CDH24: variants seen among roughly 807,000 people sequenced by gnomAD.
CDH24 encodes cadherin-24.
In CDH24, 61 loss-of-function variants were observed where a neutral mutation model predicts 71.2. The ratio of observed to expected loss-of-function variants is 0.86; its 90% CI spans 0.70 to 1.06. The LOEUF is 1.06. CDH24 is among the 50% of genes least tolerant of loss of function. CDH24 has a pLI of 0.00. For missense variants in CDH24, 961 were observed against 1,083.7 expected (o/e 0.89, Z 1.59); for synonymous variants, 440 against 470.2 (o/e 0.94, Z 0.83).
chr14:23,049,224 G>A lies in CDH24; in HGVS notation c.1649C>T (p.Ala550Val). ...CAGTTCTATGGGAACCAAGTAGGGG[G>A]CATGGCGGGGTGGAGCAGGGCGGGA... ...LPSRPAPPRHAPYLVPIELWD... is the reference protein window; with the variant it reads ...LPSRPAPPRHVPYLVPIELWD... The change falls in exon 11 of 13, where the codon GCC becomes GTC. Residue 550 changes from alanine (A) to valine (V), a missense_variant. Around this residue, in one of 2 missense-constraint regions of CDH24, gnomAD observed 671 missense variants for 810.9 expected, o/e 0.83. Coordinates refer to ENST00000487137, the MANE Select transcript of CDH24 (RefSeq NM_144985.4). The A allele has an allele frequency of 6.4e-7, 1 of 1,573,940 alleles. No homozygotes were observed. Among genetic ancestry groups the A allele is most frequent in the African/African-American group, 1.3e-5 (1 of 74,426 alleles).
rs1185576018 is a variant in CDH24, at chr14:23,057,127, T to G, written c.-125+276A>C. On this transcript the variant is annotated intron_variant, in intron 1 of 12. Coordinates refer to ENST00000487137, the MANE Select transcript of CDH24 (RefSeq NM_144985.4). The surrounding 1 kb of genome is among the most constrained non-coding windows in gnomAD (Gnocchi z 5.4). The stretch of plus-strand genomic sequence containing the variant: ...GAAAAAGGCAAAGAGGGAGAGGAGA[T>G]GGAAAAAGGACAAGAGGGAGAGGGA... Among the ~76,000 whole-genome samples the G allele has an allele frequency of 2.6e-3, 265 of 103,430 alleles. No homozygotes were observed. The highest frequency in any genetic ancestry group is 4.0e-3 in the African/African-American group (105 of 26,230). 67.9% of individuals were successfully genotyped at this position (103,430 alleles called of 152,430 possible).
chr14:23,049,367 C>A, intron 10 of CDH24, 92 bp from the exon 11 acceptor site: 1 of 1,270,912 alleles, frequency 7.9e-7, no homozygotes, highest in Non-Finnish European at 1.1e-6. Flanking sequence ...ATAGAGCCAG[C>A]CCCCCATAGA....
In CDH24 at chr14:23,047,960, G is replaced by A. The variant is rs977772372; in HGVS notation, c.*20C>T. On this transcript the variant is annotated 3_prime_UTR_variant, in exon 12 of 13. Coordinates refer to ENST00000487137, the MANE Select transcript of CDH24 (RefSeq NM_144985.4). ...TGCCCGCTGCCCCCCCCCCGCGGTG[G>A]GCCGGGCCAGCCCGGGCGCTCAGGG... 14 of 1,307,322 alleles carry A rather than the reference G, an allele frequency of 1.1e-5. No homozygotes were observed. The highest frequency in any genetic ancestry group is 1.3e-5 in the Non-Finnish European group (13 of 1,032,894). 81.0% of individuals were successfully genotyped at this position (1,307,322 alleles called of 1,614,324 possible). A position where few individuals can be genotyped will look rare whatever the true frequency, so the allele number is the denominator to read the frequency against.
chr14:23,053,347 G>A (rs898765261), intron 7 of CDH24, 149 bp downstream of exon 7: 12 of 969,854 alleles, frequency 1.2e-5, no homozygotes, highest in Non-Finnish European at 1.6e-5. Flanking sequence ...CTGGCACCCA[G>A]GCCTGCAGAC....
chr14:23,054,623 ACTC>A lies in CDH24; in HGVS notation c.664_666del (p.Glu222del), dbSNP rs758825870. The A allele has an allele frequency of 6.2e-6, 10 of 1,613,256 alleles. No homozygotes were observed. Among genetic ancestry groups the A allele is most frequent in the South Asian group, 4.4e-5 (4 of 91,036 alleles). ...TCCTTGGCCTGGATCACCACCAAGA[ACTC>A]CTCCTGTGTCTCCCGGTCCATGTTG... is the stretch of plus-strand genomic sequence containing the variant. On this transcript the variant is annotated inframe_deletion, in exon 5 of 13. Coordinates refer to ENST00000487137, the MANE Select transcript of CDH24 (RefSeq NM_144985.4). The surrounding 1 kb of genome is among the most constrained non-coding windows in gnomAD (Gnocchi z 5.2).
Position 23,048,480 on chromosome 14 carries a change from C to T in CDH24, c.1847-1G>A. On this transcript the variant is annotated splice_acceptor_variant, in intron 11 of 12. Coordinates refer to ENST00000487137, the MANE Select transcript of CDH24 (RefSeq NM_144985.4). LOFTEE classifies it high-confidence loss of function. ...AGGGCCACGAAGAGCACCACCAGGG[C>T]TGCGCGAGAGGCGCGCACACAGGCC... The T allele has an allele frequency of 6.2e-7, 1 of 1,605,076 alleles. No individual in the cohort carries two copies. The highest frequency in any genetic ancestry group is 8.5e-7 in the Non-Finnish European group (1 of 1,179,120).
rs1444390425 is a variant in CDH24, at chr14:23,055,389, A to C, written c.202-36T>G. ...CACGAAAAGATGGCAGAGGGCTCCA[A>C]GTACAGAGACAGGGTTAAAGAGTCT... On this transcript the variant is annotated intron_variant, in intron 2 of 12. Coordinates refer to ENST00000487137, the MANE Select transcript of CDH24 (RefSeq NM_144985.4). The surrounding 1 kb of genome is among the most constrained non-coding windows in gnomAD (Gnocchi z 4.1). 1 of 1,596,560 alleles carries C rather than the reference A, an allele frequency of 6.3e-7. No individual in the cohort carries two copies. Among genetic ancestry groups the C allele is most frequent in the Admixed American group, 1.7e-5 (1 of 59,504 alleles).
Position 23,048,409 on chromosome 14 carries a change from G to T in CDH24, c.1917C>A (p.Asp639Glu), listed in dbSNP as rs747306724. The change falls in exon 12 of 13, where the codon GAC becomes GAA. Residue 639 changes from aspartate (D) to glutamate (E), a missense_variant. Asp to Glu is a conservative substitution (Grantham distance 45). This residue lies in a region of CDH24 where 290 missense variants were observed against 272.8 expected (regional missense o/e 1.06). Coordinates refer to ENST00000487137, the MANE Select transcript of CDH24 (RefSeq NM_144985.4). ...CGTAGGTGATGATGTTCTCTCGGAC[G>T]TCCTCCTCCTCCAGTACCATCAGTG... ...QEALMVLEEE[D>E]VRENIITYDD... 6.8e-6 allele frequency: 11 copies of T among 1,612,372 alleles called. No homozygotes were observed. The highest frequency in any genetic ancestry group is 9.3e-6 in the Non-Finnish European group (11 of 1,179,606).
Position 23,055,477 on chromosome 14 carries a change from C to A in CDH24, c.201+56G>T. 1 of 1,598,184 alleles carries A rather than the reference C, an allele frequency of 6.3e-7. No individual in the cohort carries two copies. Among genetic ancestry groups the A allele is most frequent in the South Asian group, 1.1e-5 (1 of 89,274 alleles). On this transcript the variant is annotated intron_variant, in intron 2 of 12. Coordinates refer to ENST00000487137, the MANE Select transcript of CDH24 (RefSeq NM_144985.4). The surrounding 1 kb of genome is among the most constrained non-coding windows in gnomAD (Gnocchi z 4.1). ...GGTCATTGCAGAAGTGATGAAGTTGCAGGGCAGGGCCTGAGGGCTTGGTGT... is the reference window on the plus strand; with the variant it reads ...GGTCATTGCAGAAGTGATGAAGTTGAAGGGCAGGGCCTGAGGGCTTGGTGT...
rs1566725451 is a variant in CDH24, at chr14:23,057,057, GAAAGAGA to G, written c.-125+339_-125+345del. ...AGGAGAGGGAGGGAAAGGAGAGCAAGAAAGAGAAAAGAGAAAGGCAGGAAAGGGGAGA... is the reference window on the plus strand; with the variant it reads ...AGGAGAGGGAGGGAAAGGAGAGCAAGAAAGAGAAAGGCAGGAAAGGGGAGA... On this transcript the variant is annotated intron_variant, in intron 1 of 12. Transcript: ENST00000487137. The surrounding 1 kb of genome is among the most constrained non-coding windows in gnomAD (Gnocchi z 5.4). Among the ~76,000 whole-genome samples, 2 of 151,548 alleles carry G rather than the reference GAAAGAGA, an allele frequency of 1.3e-5. No homozygotes were observed. Among genetic ancestry groups the G allele is most frequent in the Non-Finnish European group, 2.9e-5 (2 of 67,888 alleles).
chr14:23,055,020 G>C lies in CDH24; in HGVS notation c.496+39C>G, dbSNP rs772117724. On this transcript the variant is annotated intron_variant, in intron 3 of 12. Coordinates refer to ENST00000487137, the MANE Select transcript of CDH24 (RefSeq NM_144985.4). The surrounding 1 kb of genome is among the most constrained non-coding windows in gnomAD (Gnocchi z 4.1). ...GGGAAGGAGAGGTGAGAGAGCTCCAGAAGACGGGAACTGGGGCATTCAGAG... is the reference window on the plus strand; with the variant it reads ...GGGAAGGAGAGGTGAGAGAGCTCCACAAGACGGGAACTGGGGCATTCAGAG... The C allele has an allele frequency of 1.1e-5, 17 of 1,596,454 alleles. No homozygotes were observed. Among genetic ancestry groups the C allele is most frequent in the East Asian group, 2.2e-5 (1 of 44,568 alleles).
chr14:23,055,705 G>A lies in CDH24; in HGVS notation c.29C>T (p.Ala10Val). Residue 10 changes from alanine to valine, a missense_variant, in exon 2 of 13, where the codon GCC (alanine) becomes GTC (valine). Coordinates refer to ENST00000487137, the MANE Select transcript of CDH24 (RefSeq NM_144985.4). This position sits in a 1 kb window ranked among gnomAD's most constrained non-coding sequence, Gnocchi z 4.1. ...CATGCAGCCCCAGCCACCCAGCCAG[G>A]CCAGCAGGAGCCTCACCAGGCCCCA... Reference protein sequence around the residue: MWGLVRLLLAWLGGWGCMGR... With the variant: MWGLVRLLLVWLGGWGCMGR... 6.3e-7 allele frequency: 1 copy of A among 1,594,250 alleles called. No individual in the cohort carries two copies. Among genetic ancestry groups the A allele is most frequent in the Non-Finnish European group, 8.5e-7 (1 of 1,174,286 alleles).
At position 23,055,334 on chromosome 14, in the gene CDH24, C is replaced by T. The variant is rs147257571; in HGVS notation, c.221G>A (p.Arg74Gln). Residue 74 changes from arginine (R) to glutamine (Q), a missense_variant, in exon 3 of 13, where the codon CGG becomes CAG. This residue lies in a region of CDH24 where 671 missense variants were observed against 810.9 expected (regional missense o/e 0.83). Transcript: ENST00000487137. The surrounding 1 kb of genome is among the most constrained non-coding windows in gnomAD (Gnocchi z 4.1). ...CAGGTACTTGGTGCGGCCCTCTCCC[C>T]GGTCAACATCCGAGTGCAGCTGCAG... The part of the protein sequence containing the change: ...LIGKLHSDVD[R>Q]GEGRTKYLLT... The T allele has an allele frequency of 8.8e-5, 141 of 1,607,206 alleles. 1 individual carries two copies. Among genetic ancestry groups the T allele is most frequent in the South Asian group, 4.7e-4 (43 of 91,000 alleles).
In CDH24 at chr14:23,055,154, G is replaced by A; in HGVS notation, c.401C>T (p.Ser134Leu). 6.2e-7 allele frequency: 1 copy of A among 1,614,192 alleles called. No individual in the cohort carries two copies. The change falls in exon 3 of 13, where the codon TCA (serine) becomes TTA (leucine). Residue 134 changes from serine (S) to leucine (L), a missense_variant. Transcript: ENST00000487137. This position sits in a 1 kb window ranked among gnomAD's most constrained non-coding sequence, Gnocchi z 4.1. ...RASNRPLEPP[S>L]EFIIKVQDIN... Reference sequence around the variant, plus strand: ...GTCTTGCACTTTGATGATGAACTCTGATGGGGGCTCCAGGGGCCGGTTGGA... The same window carrying A: ...GTCTTGCACTTTGATGATGAACTCTAATGGGGGCTCCAGGGGCCGGTTGGA...
In CDH24 at chr14:23,054,490, A is replaced by C; in HGVS notation, c.784+16T>G. 1 of 1,607,702 alleles carries C rather than the reference A, an allele frequency of 6.2e-7. No homozygotes were observed. Among genetic ancestry groups the C allele is most frequent in the Non-Finnish European group, 8.5e-7 (1 of 1,176,006 alleles). On this transcript the variant is annotated intron_variant, in intron 5 of 12. Transcript: ENST00000487137. The surrounding 1 kb of genome is among the most constrained non-coding windows in gnomAD (Gnocchi z 5.2). ...GTGATCAAAGGATGGCTCAGGTGGCAGCAATGGCCCCTTACTCTGTGGGAA... is the reference window on the plus strand; with the variant it reads ...GTGATCAAAGGATGGCTCAGGTGGCCGCAATGGCCCCTTACTCTGTGGGAA...
At position 23,049,674 on chromosome 14, in the gene CDH24, T is replaced by C. The variant is rs1192788046; in HGVS notation, c.1550A>G (p.Gln517Arg). 1 of 1,610,140 alleles carries C rather than the reference T, an allele frequency of 6.2e-7. No individual in the cohort carries two copies. Among genetic ancestry groups the C allele is most frequent in the Admixed American group, 1.7e-5 (1 of 59,794 alleles). Residue 517 changes from glutamine (Q) to arginine (R), a missense_variant, in exon 10 of 13, where the codon CAA (glutamine) becomes CGA (arginine). Physicochemically the swap from Gln to Arg is conservative, Grantham distance 43. Around this residue, in one of 2 missense-constraint regions of CDH24, gnomAD observed 671 missense variants for 810.9 expected, o/e 0.83. Transcript: ENST00000487137. The part of the protein sequence containing the change: ...EVGNSSHVSF[Q>R]GPLGPDANFT... ...GTTGGCATCAGGGCCCAGAGGACCT[T>C]GAAAGGAGACATGGCTACTGTTGCC...
rs748273178 is a variant in CDH24 at position 23,055,153 on chromosome 14, T to TG, written c.401dup (p.Glu135ArgfsTer44). The TG allele has an allele frequency of 7.4e-6, 12 of 1,613,986 alleles. No individual in the cohort carries two copies. Among genetic ancestry groups the TG allele is most frequent in the Non-Finnish European group, 1.0e-5 (12 of 1,180,010 alleles). ...TGTCTTGCACTTTGATGATGAACTC[T>TG]GATGGGGGCTCCAGGGGCCGGTTGG... On this transcript the variant is annotated frameshift_variant, in exon 3 of 13. Coordinates refer to ENST00000487137, the MANE Select transcript of CDH24 (RefSeq NM_144985.4). LOFTEE classifies it high-confidence loss of function. The surrounding 1 kb of genome is among the most constrained non-coding windows in gnomAD (Gnocchi z 4.1).
chr14:23,055,675 C>T lies in CDH24; in HGVS notation c.59G>A (p.Arg20His), dbSNP rs199732288. The T allele has an allele frequency of 3.4e-4, 548 of 1,606,142 alleles. No homozygotes were observed. The highest frequency in any genetic ancestry group is 6.1e-4 in the Admixed American group (36 of 58,776). Residue 20 changes from arginine to histidine, a missense_variant, in exon 2 of 13, where the codon CGT becomes CAT. Around this residue, in one of 2 missense-constraint regions of CDH24, gnomAD observed 671 missense variants for 810.9 expected, o/e 0.83. Coordinates refer to ENST00000487137, the MANE Select transcript of CDH24 (RefSeq NM_144985.4). This position sits in a 1 kb window ranked among gnomAD's most constrained non-coding sequence, Gnocchi z 4.1. Reference sequence around the variant, plus strand: ...CCAGGCCCGGGCTGGGGCTGCCAGACGCCCCATGCAGCCCCAGCCACCCAG... The same window carrying T: ...CCAGGCCCGGGCTGGGGCTGCCAGATGCCCCATGCAGCCCCAGCCACCCAG... ...AWLGGWGCMGRLAAPARAWAG... is the reference protein window; with the variant it reads ...AWLGGWGCMGHLAAPARAWAG...
chr14:23,054,580 C>T lies in CDH24; in HGVS notation c.710G>A (p.Gly237Glu). The T allele has an allele frequency of 6.2e-7, 1 of 1,614,118 alleles. No individual in the cohort carries two copies. The highest frequency in any genetic ancestry group is 1.1e-5 in the South Asian group (1 of 91,088). ...IQAKDMGGHM[G>E]GLSGSTTVTV... ...CACCGTAGTGCTGCCTGACAGCCCC[C>T]CCATGTGGCCGCCCATGTCCTTGGC... The change falls in exon 5 of 13, where the codon GGG (glycine) becomes GAG (glutamate). Residue 237 changes from glycine to glutamate, a missense_variant. Coordinates refer to ENST00000487137, the MANE Select transcript of CDH24 (RefSeq NM_144985.4). This position sits in a 1 kb window ranked among gnomAD's most constrained non-coding sequence, Gnocchi z 5.2.
Sources: allele counts gnomAD v4.1 joint callset (sites outside exome capture counted in the v4.1 genomes callset), GRCh38; gene constraint gnomAD v4.1.1; regional missense constraint gnomAD v4.1.1; non-coding constraint Gnocchi (gnomAD v3.1); transcripts MANE v1.5; gene names NCBI Gene and HGNC (gene_info 2026-07-23, HGNC 2026-07-21).